Variants in SEC23A observed in about 807,000 individuals in gnomAD.
The protein encoded by SEC23A is protein transport protein Sec23A.
SEC23A carries 56 observed loss-of-function variants against 103.7 expected under a neutral mutation model. That is an observed-to-expected ratio of 0.54 (90% CI 0.44 to 0.67). The LOEUF (loss-of-function observed/expected upper bound fraction) is 0.67, where lower values mean the gene tolerates loss of function less well. Among genes scored for constraint, SEC23A ranks in the 30% least tolerant of loss-of-function variants. SEC23A has a pLI of 0.00. For missense variants in SEC23A, 784 were observed against 936.4 expected, an observed-to-expected ratio of 0.84 and a Z score of 2.12; for synonymous variants, 281 against 293.0, an observed-to-expected ratio of 0.96 and a Z score of 0.42.
At chr14:39,089,915 C>T (rs1887598868) in intron 5 of SEC23A, among the ~76,000 whole-genome samples, 1 of 152,194 alleles carries the variant, frequency 6.6e-6, no homozygotes, top group Non-Finnish European at 1.5e-5. Context: ...AAGATTGTGC[C>T]AATGCAGTCC....
intron 6 of SEC23A, 77 bp downstream of exon 6, chr14:39,086,852 G>A (rs1198811804): frequency 1.2e-5 from 10 of 830,888 alleles, no homozygotes; most frequent in Non-Finnish European, 1.3e-5. Flanking sequence ...TAGTATCACT[G>A]AATGCCTATG....
intron 2 of SEC23A, among the ~76,000 whole-genome samples, chr14:39,095,323 T>C (rs1165168416): frequency 1.3e-5 from 2 of 149,598 alleles, no homozygotes; most frequent in Non-Finnish European, 3.0e-5. Flanking sequence ...TGAGGCGGAG[T>C]CTCGCTCTGT....
Position 39,040,695 on chromosome 14 carries a change from C to T in SEC23A, c.2142+37G>A, listed in dbSNP as rs372144094. On this transcript the variant is annotated intron_variant, in intron 18 of 19. Coordinates refer to ENST00000307712, the MANE Select transcript of SEC23A (RefSeq NM_006364.4). ...CAGGTACACCTCACTGCAAACCTAA[C>T]AACAAACAAACACACAAACAAATTA... The T allele has an allele frequency of 1.5e-4, 237 of 1,613,838 alleles. No homozygotes were observed. The African/African-American group carries it at 2.9e-3, about 20-fold the overall frequency.
At chr14:39,060,009 A>T (rs934459024) in intron 13 of SEC23A, among the ~76,000 whole-genome samples, 1 of 152,152 alleles carries the variant, frequency 6.6e-6, no homozygotes, top group Non-Finnish European at 1.5e-5. Flanking sequence ...AGTACAAACC[A>T]GTGACTTTGT....
intron 14 of SEC23A, 123 bp downstream of exon 14, chr14:39,055,020 T>A (rs1346843985): frequency 1.8e-6 from 2 of 1,090,100 alleles, no homozygotes; most frequent in Non-Finnish European, 2.7e-6. Context: ...GTAATTTGAA[T>A]AGGAGTTTCT....
intron 1 of SEC23A, among the ~76,000 whole-genome samples, chr14:39,100,436 C>T (rs1236572601): frequency 2.2e-5 from 3 of 139,380 alleles, no homozygotes; most frequent in East Asian, 2.1e-4. Context: ...TTTTTTGAGA[C>T]GGAGTTTCGC....
intron 11 of SEC23A, chr14:39,064,631 G>C (rs1886594620): frequency 7.5e-6 from 3 of 398,738 alleles, no homozygotes; most frequent in Non-Finnish European, 9.4e-6. Flanking sequence ...ATACCAATGG[G>C]AGCTGAACTA....
At chr14:39,086,780 C>T (rs1887459160) in intron 6 of SEC23A, 149 bp downstream of exon 6, 1 of 618,286 alleles carries the variant, frequency 1.6e-6, no homozygotes, top group Non-Finnish European at 2.9e-6. Context: ...ATGATTTTGA[C>T]TCAATTCTTT....
At chr14:39,086,020 C>A in intron 6 of SEC23A, 114 bp from the exon 7 acceptor site, 2 of 913,232 alleles carry the variant, frequency 2.2e-6, no homozygotes, top group Non-Finnish European at 3.5e-6. Context: ...CACAGCAGAC[C>A]AATGGTTCTC....
rs1302503002 is a variant in SEC23A at position 39,039,061 on chromosome 14, C to A, written c.2178G>T (p.Gln726His). 1.2e-6 allele frequency: 2 copies of A among 1,613,518 alleles called. No individual in the cohort carries two copies. The highest frequency in any genetic ancestry group is 1.7e-6 in the Non-Finnish European group (2 of 1,179,706). Residue 726 changes from glutamine (Q) to histidine (H), a missense_variant, in exon 19 of 20, where the codon CAG (glutamine) becomes CAT (histidine). Transcript: ENST00000307712. The stretch of plus-strand genomic sequence containing the variant: ...CCCAGGCATACATATTATTATGAGT[C>A]TGTGAAGGGTTGACTTTTGAAAGGA... The part of the protein sequence containing the change: ...RFLLSKVNPS[Q>H]THNNMYAWGQ...
rs559468448 is a variant in SEC23A, at chr14:39,047,311, A to G, written c.1737+1341T>C. Reference sequence around the variant, plus strand: ...TCAAATACTTAGGCTAATGCCCTCCATCACTTTCCTATTAGTTTCTGCTAC... The same window carrying G: ...TCAAATACTTAGGCTAATGCCCTCCGTCACTTTCCTATTAGTTTCTGCTAC... On this transcript the variant is annotated intron_variant, in intron 15 of 19. Coordinates refer to ENST00000307712, the MANE Select transcript of SEC23A (RefSeq NM_006364.4). 5 of 966,942 alleles carry G rather than the reference A, an allele frequency of 5.2e-6. No individual in the cohort carries two copies. In the South Asian group the frequency reaches 5.5e-5, roughly 11 times the overall value. The allele number at this position is 966,942 out of a possible 1,614,324, so 59.9% of individuals were successfully genotyped here.
chr14:39,043,213 C>T, intron 16 of SEC23A, among the ~76,000 whole-genome samples: 1 of 152,106 alleles, frequency 6.6e-6, no homozygotes, highest in East Asian at 1.9e-4. Context: ...AATTCCTGGG[C>T]TGAAGTGATC....
At chr14:39,099,675 CCATT>C (rs147898469) in intron 1 of SEC23A, among the ~76,000 whole-genome samples, 2 of 152,226 alleles carry the variant, frequency 1.3e-5, no homozygotes, top group Non-Finnish European at 2.9e-5. Flanking sequence ...GGTAGATGAT[CCATT>C]CAAAGTGTAG....
intron 1 of SEC23A, among the ~76,000 whole-genome samples, chr14:39,102,082 A>T (rs899911134): frequency 2.6e-5 from 4 of 152,170 alleles, no homozygotes; most frequent in African/African-American, 9.6e-5. Context: ...AGATACAAAA[A>T]TTAGCCGGGC....
At position 39,103,173 on chromosome 14, in the gene SEC23A, C is replaced by G. The variant is rs1236141850; in HGVS notation, c.-163G>C. 6.6e-6 allele frequency: 1 copy of G among 152,352 alleles called. No homozygotes were observed. Among genetic ancestry groups the G allele is most frequent in the African/African-American group, 2.4e-5 (1 of 41,444 alleles). The allele number at this position is 152,352 out of a possible 1,614,324, so 9.4% of individuals were successfully genotyped here. ...GGCACCGCAATCAGGGGTGGCGCCA[C>G]CCCGCCCCGGGCCTCAGCGAAGACC... On this transcript the variant is annotated 5_prime_UTR_variant, in exon 1 of 20. Transcript: ENST00000307712.
At chr14:39,064,710 C>A in intron 11 of SEC23A, 1 of 575,540 alleles carries the variant, frequency 1.7e-6, no homozygotes, top group Non-Finnish European at 3.1e-6. Context: ...TTTATTGGTG[C>A]TGTCCTGTGC....
Position 39,039,051 on chromosome 14 carries a change from T to G in SEC23A, c.2188A>C (p.Asn730His). 1 of 1,613,552 alleles carries G rather than the reference T, an allele frequency of 6.2e-7. No individual in the cohort carries two copies. The highest frequency in any genetic ancestry group is 8.5e-7 in the Non-Finnish European group (1 of 1,179,572). Residue 730 changes from asparagine (N) to histidine (H), a missense_variant, in exon 19 of 20, where the codon AAT becomes CAT. By Grantham distance (68) the Asn-to-His change is moderately conservative. Transcript: ENST00000307712. ...CTTACCTGCCCCCAGGCATACATAT[T>G]ATTATGAGTCTGTGAAGGGTTGACT... is the stretch of plus-strand genomic sequence containing the variant. Reference protein sequence around the residue: ...SKVNPSQTHNNMYAWGQESGA... With the variant: ...SKVNPSQTHNHMYAWGQESGA...
intron 5 of SEC23A, among the ~76,000 whole-genome samples, chr14:39,090,586 C>A (rs762340728): frequency 6.6e-6 from 1 of 152,148 alleles, no homozygotes; most frequent in Admixed American, 6.6e-5. Flanking sequence ...ACCAAACATA[C>A]TAAAAGTATT....
chr14:39,048,608 GA>G (rs755349404), intron 15 of SEC23A, 43 bp downstream of exon 15: 12 of 1,273,386 alleles, frequency 9.4e-6, no homozygotes, highest in African/African-American at 1.5e-5. Context: ...TCTAAAAAAG[GA>G]AAAAAAAGAA....
Sources: allele counts gnomAD v4.1 joint callset (sites outside exome capture counted in the v4.1 genomes callset), GRCh38; gene constraint gnomAD v4.1.1; transcripts MANE v1.5; gene names NCBI Gene and HGNC (gene_info 2026-07-23, HGNC 2026-07-21).